Variants in RBFOX3 observed in about 807,000 individuals in gnomAD.
RBFOX3 encodes the protein RNA binding fox-1 homolog 3.
RBFOX3 carries 17 observed loss-of-function variants against 48.7 expected under a neutral mutation model. That is an observed-to-expected ratio of 0.35 (90% CI 0.24 to 0.52). RBFOX3 has a LOEUF of 0.52. Ranked by LOEUF, RBFOX3 falls within the 20% of genes least tolerant of loss-of-function variation. The pLI, the probability that RBFOX3 is intolerant of heterozygous loss-of-function variation, is 0.94. For synonymous variants in RBFOX3, 212 were observed against 209.5 expected, an observed-to-expected ratio of 1.01 and a Z score of -0.10; for missense variants, 382 against 497.5, an observed-to-expected ratio of 0.77 and a Z score of 2.21.
intron 3 of RBFOX3, among the ~76,000 whole-genome samples, chr17:79,300,552 A>G (rs1435294691): frequency 2.6e-5 from 4 of 152,210 alleles, no homozygotes; most frequent in Non-Finnish European, 5.9e-5. Flanking sequence ...ATAAGCTTAA[A>G]CGTGAACAAC....
At chr17:79,637,690 T>A in the RBFOX3 span, among the ~76,000 whole-genome samples, 28 of 142,978 alleles carry the variant, frequency 2.0e-4, no homozygotes, top group East Asian at 5.9e-3. Flanking sequence ...AGCAAAACTC[T>A]GTCAAGAAAG....
At chr17:79,399,276 G>A (rs564373502) in intron 2 of RBFOX3, among the ~76,000 whole-genome samples, 180 of 152,306 alleles carry the variant, frequency 1.2e-3, no homozygotes, top group East Asian at 1.4e-3. Context: ...AATGCGTACC[G>A]TGGGTGAGGC....
chr17:79,160,834 G>C (rs2046822018), intron 4 of RBFOX3, among the ~76,000 whole-genome samples: 1 of 152,066 alleles, frequency 6.6e-6, no homozygotes, highest in South Asian at 2.1e-4. Context: ...ACAAAGATTA[G>C]CCAGGCATGG....
chr17:79,547,500 A>G (rs112015621), intron 1 of RBFOX3, among the ~76,000 whole-genome samples: 2,241 of 152,280 alleles, frequency 0.015, 49 homozygotes, highest in African/African-American at 0.05. Context: ...GGAAGGGACA[A>G]AGAGACCAAG....
At chr17:79,213,412 A>C (rs890915780) in intron 4 of RBFOX3, among the ~76,000 whole-genome samples, 7 of 152,150 alleles carry the variant, frequency 4.6e-5, no homozygotes, top group Admixed American at 3.3e-4. Context: ...TCCCCAAAAT[A>C]TGCACCCGCA....
chr17:79,181,190 G>C (rs2051841848), intron 4 of RBFOX3, among the ~76,000 whole-genome samples: 1 of 152,190 alleles, frequency 6.6e-6, no homozygotes, highest in South Asian at 2.1e-4. Flanking sequence ...TGATAACTAA[G>C]ACAACAGAAT....
At chr17:79,497,812 C>A (rs904239106) in intron 1 of RBFOX3, among the ~76,000 whole-genome samples, 1 of 152,206 alleles carries the variant, frequency 6.6e-6, no homozygotes, top group East Asian at 1.9e-4. Flanking sequence ...GAGCCAATGG[C>A]CACCCCAGCA....
chr17:79,176,769 C>G (rs1423656102), intron 4 of RBFOX3, among the ~76,000 whole-genome samples: 1 of 151,892 alleles, frequency 6.6e-6, no homozygotes, highest in Non-Finnish European at 1.5e-5. Context: ...AAAAAAATGA[C>G]CGTGGCAGAG....
At chr17:79,499,504 A>G (rs1304062460) in intron 1 of RBFOX3, among the ~76,000 whole-genome samples, 2 of 152,106 alleles carry the variant, frequency 1.3e-5, no homozygotes, top group African/African-American at 4.8e-5. Context: ...AGAAACCCCA[A>G]TGAGAGGGGG....
the RBFOX3 span, among the ~76,000 whole-genome samples, chr17:79,629,621 C>T: frequency 2.0e-5 from 3 of 152,202 alleles, no homozygotes; most frequent in African/African-American, 7.2e-5. Flanking sequence ...TAACCTTTAA[C>T]TCGGCAATTC....
chr17:79,352,762 C>T (rs921196125), intron 2 of RBFOX3, among the ~76,000 whole-genome samples: 2 of 152,198 alleles, frequency 1.3e-5, no homozygotes, highest in African/African-American at 4.8e-5. Context: ...CTGCTGCCCC[C>T]CAGAAATGAC....
At chr17:79,488,028 G>A (rs2079915218) in intron 1 of RBFOX3, among the ~76,000 whole-genome samples, 1 of 151,956 alleles carries the variant, frequency 6.6e-6, no homozygotes, top group South Asian at 2.1e-4. Flanking sequence ...AGGTGGGGGT[G>A]AGGTGGAATG....
At position 79,477,424 on chromosome 17, in the gene RBFOX3, C is replaced by T. The variant is rs62062824; in HGVS notation, c.-175+5030G>A. On this transcript the variant is annotated intron_variant, in intron 2 of 14. Transcript: ENST00000693108. The surrounding 1 kb of genome is among the most constrained non-coding windows in gnomAD (Gnocchi z 4.8). ...ACAAAACATTAGCCAGACGTGGTGG[C>T]GGGCGCCTGTAGTCCCAGCTACTTG... Among the ~76,000 whole-genome samples the T allele has an allele frequency of 1.8e-3, 276 of 150,338 alleles. 1 individual carries two copies. Among genetic ancestry groups the T allele is most frequent in the Admixed American group, 4.8e-3 (73 of 15,084 alleles).
chr17:79,341,474 G>C (rs898103450), intron 2 of RBFOX3, among the ~76,000 whole-genome samples: 13 of 152,118 alleles, frequency 8.5e-5, no homozygotes, highest in Non-Finnish European at 1.5e-4. Context: ...AATTGAGTTC[G>C]TGGGAGGCTG....
rs559447909 is a variant in RBFOX3 at position 79,482,963 on chromosome 17, C to G, written c.-319-365G>C. 2.0e-5 allele frequency among the ~76,000 whole-genome samples: 3 copies of G among 151,760 alleles called. No individual in the cohort carries two copies. Among genetic ancestry groups the G allele is most frequent in the Non-Finnish European group, 2.9e-5 (2 of 67,894 alleles). ...CCCCATCGCCTTTCCCACTACCGCC[C>G]GCTCTTGCTTCCTCCCCCACCCAGC... On this transcript the variant is annotated intron_variant, in intron 1 of 14. Transcript: ENST00000693108. The surrounding 1 kb of genome is among the most constrained non-coding windows in gnomAD (Gnocchi z 4.1).
chr17:79,618,352 G>A, the RBFOX3 span, among the ~76,000 whole-genome samples: 1 of 152,150 alleles, frequency 6.6e-6, no homozygotes, highest in Admixed American at 6.5e-5. Flanking sequence ...TGAGTGGGAC[G>A]TGAGCCGTAT....
intron 5 of RBFOX3, among the ~76,000 whole-genome samples, chr17:79,112,982 G>T (rs1291399782): frequency 8.6e-5 from 13 of 150,592 alleles, no homozygotes; most frequent in African/African-American, 2.2e-4. Context: ...CTGCACACGG[G>T]CCCTCGAGTG....
intron 4 of RBFOX3, among the ~76,000 whole-genome samples, chr17:79,150,372 G>A (rs1031088845): frequency 5.3e-5 from 8 of 152,148 alleles, no homozygotes; most frequent in African/African-American, 1.2e-4. Context: ...AGGCCTGGCC[G>A]TTCTCTGGGC....
At chr17:79,532,657 C>A (rs1226214146) in intron 1 of RBFOX3, among the ~76,000 whole-genome samples, 1 of 152,226 alleles carries the variant, frequency 6.6e-6, no homozygotes, top group East Asian at 1.9e-4. Flanking sequence ...GGCCAGGGGC[C>A]CCTGCCTCTG....
Sources: gnomAD v4.1 joint callset for allele counts (sites outside exome capture counted in the v4.1 genomes callset) on GRCh38, gnomAD v4.1.1 for gene constraint, Gnocchi (gnomAD v3.1) non-coding constraint, MANE v1.5 for transcripts, NCBI Gene and HGNC (gene_info 2026-07-23, HGNC 2026-07-21) for gene names.